Variants in RIMKLA observed in about 807,000 individuals in gnomAD.
RIMKLA encodes the protein ribosomal modification protein rimK like family member A, also known as N-acetylaspartylglutamate synthase A.
A neutral mutation model predicts 32.7 loss-of-function variants in RIMKLA; 14 were observed. That is an observed-to-expected ratio of 0.43 (90% confidence interval 0.28 to 0.67). The LOEUF (loss-of-function observed/expected upper bound fraction) is 0.67, where lower values mean the gene tolerates loss of function less well. Ranked by LOEUF, RIMKLA falls within the 30% of genes least tolerant of loss-of-function variation. RIMKLA has a pLI of 0.18. For synonymous variants in RIMKLA, 176 were observed against 204.1 expected (o/e 0.86, Z 1.18); for missense variants, 410 against 519.0 (o/e 0.79, Z 2.04).
chr1:42,384,124 G>A (rs12140335), intron 1 of RIMKLA, among the ~76,000 whole-genome samples: 52,273 of 152,058 alleles, frequency 0.34, 10,797 homozygotes, highest in Middle Eastern at 0.53. Flanking sequence ...CTGGAGGCTA[G>A]TGGGAGCCCA....
chr1:42,403,372 A>G (rs1391392933), intron 2 of RIMKLA, among the ~76,000 whole-genome samples: 1 of 152,214 alleles, frequency 6.6e-6, no homozygotes, highest in Non-Finnish European at 1.5e-5. Flanking sequence ...ACTAGAAAGT[A>G]CACTAGTTTG....
intron 4 of RIMKLA, among the ~76,000 whole-genome samples, chr1:42,411,385 T>A (rs1643196202): frequency 6.6e-6 from 1 of 151,924 alleles, no homozygotes; most frequent in South Asian, 2.1e-4. Flanking sequence ...GATAAAGTGA[T>A]GTGTTGGTGT....
In RIMKLA at chr1:42,414,471, G is replaced by T; in HGVS notation, c.686-13G>T. 1 of 1,612,846 alleles carries T rather than the reference G, an allele frequency of 6.2e-7. No individual in the cohort carries two copies. Among genetic ancestry groups the T allele is most frequent in the Non-Finnish European group, 8.5e-7 (1 of 1,179,254 alleles). On this transcript the variant is annotated splice_polypyrimidine_tract_variant and intron_variant, in intron 4 of 4. Transcript: ENST00000431473. The stretch of plus-strand genomic sequence containing the variant: ...TCAGTTGTCACCTTTACATCACTGT[G>T]CTTTCCCCACAGGTGGCGTGGGCGT...
Position 42,404,563 on chromosome 1 carries a change from C to T in RIMKLA, c.447C>T (p.Tyr149=), listed in dbSNP as rs1250860412. ...TTGATGAAGCTGAGCCCCTGGGCTA[C>T]CCAGTCGTGGTGAAGAGCACACGAG... The part of the protein sequence containing the change: ...KMIDEAEPLG[Y]PVVVKSTRGH... Residue 149 remains tyrosine (Y), a synonymous_variant, in exon 3 of 5, where the codon TAC becomes TAT. Coordinates refer to ENST00000431473, the MANE Select transcript of RIMKLA (RefSeq NM_173642.4). 16 of 1,613,366 alleles carry T rather than the reference C, an allele frequency of 9.9e-6. No individual in the cohort carries two copies. The East Asian group carries it at 3.3e-4, about 34-fold the overall frequency.
At position 42,380,926 on chromosome 1, in the gene RIMKLA, C is replaced by T. The variant is rs753224603; in HGVS notation, c.-9C>T. 7.1e-6 allele frequency: 10 copies of T among 1,401,164 alleles called. No individual in the cohort carries two copies. In the South Asian group the frequency reaches 1.2e-4, roughly 17 times the overall value. 86.8% of individuals were successfully genotyped at this position (1,401,164 alleles called of 1,614,324 possible). ...TCCGCGCCGCGCGGGGCGCACCGCC[C>T]TGGCCGCCATGTGCTCCCAGCTCTG... On this transcript the variant is annotated 5_prime_UTR_variant, in exon 1 of 5. Coordinates refer to ENST00000431473, the MANE Select transcript of RIMKLA (RefSeq NM_173642.4).
rs1490948815 is a variant in RIMKLA, at chr1:42,422,492, CAG to C, written c.*7519_*7520del. 6.6e-6 allele frequency: 1 copy of C among 152,160 alleles called. No homozygotes were observed. The highest frequency in any genetic ancestry group is 1.5e-5 in the Non-Finnish European group (1 of 68,034). 9.4% of individuals were successfully genotyped at this position (152,160 alleles called of 1,614,324 possible). On this transcript the variant is annotated 3_prime_UTR_variant, in exon 5 of 5. Transcript: ENST00000431473. ...TTCCAAGTGGTTTATACAGCAATAA[CAG>C]TGTTAACTTCTCCAACAGAGACGAA...
At chr1:42,389,768 C>T (rs981033158) in intron 1 of RIMKLA, among the ~76,000 whole-genome samples, 2 of 151,844 alleles carry the variant, frequency 1.3e-5, no homozygotes, top group Admixed American at 6.6e-5. Context: ...GAGCAGAGAT[C>T]GTGCCACTGC....
At position 42,381,206 on chromosome 1, in the gene RIMKLA, G is replaced by T. The variant is rs951531035; in HGVS notation, c.163+109G>T. 1.4e-5 allele frequency: 11 copies of T among 809,682 alleles called. No individual in the cohort carries two copies. In the African/African-American group the frequency reaches 1.8e-4, roughly 13 times the overall value. 50.2% of individuals were successfully genotyped at this position (809,682 alleles called of 1,614,324 possible). ...CCGCAGCAGAGTCTCCTTCGGGCCC[G>T]CACACTAGCCGCACTCTAGCTGCGA... On this transcript the variant is annotated intron_variant, in intron 1 of 4. Coordinates refer to ENST00000431473, the MANE Select transcript of RIMKLA (RefSeq NM_173642.4).
At chr1:42,406,062 A>G (rs1395803374) in intron 3 of RIMKLA, among the ~76,000 whole-genome samples, 1 of 152,228 alleles carries the variant, frequency 6.6e-6, no homozygotes, top group Non-Finnish European at 1.5e-5. Context: ...TAAAATTCAC[A>G]TATTTATTGA....
At chr1:42,404,655 G>C (rs1643128844) in intron 3 of RIMKLA, 58 bp downstream of exon 3, 3 of 1,103,960 alleles carry the variant, frequency 2.7e-6, no homozygotes, top group Non-Finnish European at 4.1e-6. Context: ...CTGCTGCTCT[G>C]CCTGGACAAG....
Position 42,385,827 on chromosome 1 carries a change from CCTTT to C in RIMKLA, c.163+4745_163+4748del, listed in dbSNP as rs1429022701. Among the ~76,000 whole-genome samples, 36 of 89,496 alleles carry C rather than the reference CCTTT, an allele frequency of 4.0e-4. 3 individuals carry two copies. The highest frequency in any genetic ancestry group is 1.1e-3 in the South Asian group (3 of 2,828). 58.7% of individuals were successfully genotyped at this position (89,496 alleles called of 152,430 possible). On this transcript the variant is annotated intron_variant, in intron 1 of 4. Coordinates refer to ENST00000431473, the MANE Select transcript of RIMKLA (RefSeq NM_173642.4). ...TCTCTCTTTCCTTCCTTCCTTCCTT[CCTTT>C]CTTTCTTTCTTTCTCTTTCTTTCTT...
At chr1:42,390,332 C>G (rs1642989920) in intron 1 of RIMKLA, among the ~76,000 whole-genome samples, 1 of 152,168 alleles carries the variant, frequency 6.6e-6, no homozygotes, top group African/African-American at 2.4e-5. Context: ...GCCACCGTGC[C>G]CAGCTGAGAG....
chr1:42,414,524 G>A lies in RIMKLA; in HGVS notation c.726G>A (p.Lys242=), dbSNP rs777630099. The A allele has an allele frequency of 4.3e-6, 7 of 1,614,094 alleles. No homozygotes were observed. Among genetic ancestry groups the A allele is most frequent in the Non-Finnish European group, 5.9e-6 (7 of 1,180,048 alleles). ...AGTGTCCGCTGACAGAACAAGGCAA[G>A]CAGTTGGCTATTCAGGTGTCCAACA... The part of the protein sequence containing the change: ...GVKCPLTEQG[K]QLAIQVSNIL... The change falls in exon 5 of 5, where the codon AAG becomes AAA. Residue 242 remains lysine, a synonymous_variant. Transcript: ENST00000431473.
Position 42,414,857 on chromosome 1 carries a change from T to C in RIMKLA, c.1059T>C (p.Pro353=). 6.2e-7 allele frequency: 1 copy of C among 1,614,198 alleles called. No individual in the cohort carries two copies. Among genetic ancestry groups the C allele is most frequent in the Non-Finnish European group, 8.5e-7 (1 of 1,180,042 alleles). ...GGTCTACCTCTAGTGAAAGTGAGCC[T>C]GAACTGGGAGAGATCCGGGATTCCT... ...NSGSTSSESE[P]ELGEIRDSSA... is the part of the protein sequence containing the mutation. Residue 353 remains proline, a synonymous_variant, in exon 5 of 5, where the codon CCT becomes CCC. Coordinates refer to ENST00000431473, the MANE Select transcript of RIMKLA (RefSeq NM_173642.4).
In RIMKLA at chr1:42,414,870, A is replaced by C. The variant is rs1213438840; in HGVS notation, c.1072A>C (p.Ile358Leu). ...SSESEPELGE[I>L]RDSSASTMGA... Reference sequence around the variant, plus strand: ...TGAAAGTGAGCCTGAACTGGGAGAGATCCGGGATTCCTCAGCAAGCACAAT... The same window carrying C: ...TGAAAGTGAGCCTGAACTGGGAGAGCTCCGGGATTCCTCAGCAAGCACAAT... The change falls in exon 5 of 5, where the codon ATC becomes CTC. Residue 358 changes from isoleucine to leucine, a missense_variant. Coordinates refer to ENST00000431473, the MANE Select transcript of RIMKLA (RefSeq NM_173642.4). 6.2e-7 allele frequency: 1 copy of C among 1,614,082 alleles called. No homozygotes were observed. Among genetic ancestry groups the C allele is most frequent in the African/African-American group, 1.3e-5 (1 of 74,938 alleles).
chr1:42,400,964 T>A (rs1233432249), intron 2 of RIMKLA, among the ~76,000 whole-genome samples: 3 of 152,240 alleles, frequency 2.0e-5, no homozygotes, highest in East Asian at 1.9e-4. Context: ...AACATTTTTT[T>A]AAAAGAGGGA....
chr1:42,403,973 G>A (rs1643122299), intron 2 of RIMKLA, among the ~76,000 whole-genome samples: 2 of 152,194 alleles, frequency 1.3e-5, no homozygotes, highest in African/African-American at 4.8e-5. Context: ...CTGCCACATG[G>A]CCTTCTCCAC....
chr1:42,409,881 A>G (rs1570329045), intron 3 of RIMKLA, 103 bp from the exon 4 acceptor site: 1 of 869,808 alleles, frequency 1.1e-6, no homozygotes, highest in Non-Finnish European at 1.9e-6. Flanking sequence ...AAGTGAGGCA[A>G]GTTTAGAAAG....
At chr1:42,406,925 CT>C (rs571576114) in intron 3 of RIMKLA, among the ~76,000 whole-genome samples, 171 of 142,668 alleles carry the variant, frequency 1.2e-3, no homozygotes, top group East Asian at 2.6e-3. Flanking sequence ...AATGTAGATT[CT>C]TTTTTTTTTT....
Sources: gnomAD v4.1 joint callset for allele counts (sites outside exome capture counted in the v4.1 genomes callset) on GRCh38, gnomAD v4.1.1 for gene constraint, MANE v1.5 for transcripts, NCBI Gene and HGNC (gene_info 2026-07-23, HGNC 2026-07-21) for gene names.